Variants in GLIS3 observed in about 807,000 individuals in gnomAD.
The protein encoded by GLIS3 is GLIS family zinc finger 3.
Under a neutral mutation model 78.6 loss-of-function variants are expected in GLIS3, and 53 were observed. That is an observed-to-expected ratio of 0.67 (90% CI 0.54 to 0.85). The LOEUF is 0.85. Among genes scored for constraint, GLIS3 ranks in the 40% least tolerant of loss-of-function variants. The probability of loss-of-function intolerance (pLI) is 0.00; values close to 1 mark genes in which losing one functional copy is unlikely to be tolerated. For synonymous variants in GLIS3, 684 were observed against 509.9 expected, an observed-to-expected ratio of 1.34 and a Z score of -4.60; for missense variants, 1,703 against 1,231.1, an observed-to-expected ratio of 1.38 and a Z score of -5.74.
At chr9:3,897,804 C>T (rs527863471) in intron 7 of GLIS3, among the ~76,000 whole-genome samples, 140 of 152,296 alleles carry the variant, frequency 9.2e-4, no homozygotes, top group Middle Eastern at 3.4e-3. Flanking sequence ...ATTTTAAATT[C>T]TAATGGCTTA....
Position 4,286,328 on chromosome 9 carries a change from G to T in GLIS3, c.98C>A (p.Ala33Asp), listed in dbSNP as rs751567499. Residue 33 changes from alanine to aspartate, a missense_variant, in exon 2 of 11, where the codon GCC (alanine) becomes GAC (aspartate). Ala to Asp is a moderately radical substitution (Grantham distance 126). Coordinates refer to ENST00000381971, the MANE Select transcript of GLIS3 (RefSeq NM_001042413.2). Reference protein sequence around the residue: ...VSGHHIPAIRAHSGTPGPSPC... With the variant: ...VSGHHIPAIRDHSGTPGPSPC... ...CGAGGGGCCAGGAGTCCCGGAGTGG[G>T]CTCGGATGGCAGGAATGTGATGACC... is the stretch of plus-strand genomic sequence containing the variant. 1 of 1,614,206 alleles carries T rather than the reference G, an allele frequency of 6.2e-7. No individual in the cohort carries two copies. Among genetic ancestry groups the T allele is most frequent in the Non-Finnish European group, 8.5e-7 (1 of 1,180,024 alleles).
chr9:4,308,106 C>T (rs972602027), intron 4 of GLIS3, among the ~76,000 whole-genome samples: 1 of 152,120 alleles, frequency 6.6e-6, no homozygotes, highest in Non-Finnish European at 1.5e-5. Flanking sequence ...GGCCTGGCCA[C>T]GTGCATCCCA....
Position 4,110,776 on chromosome 9 carries a change from T to C in GLIS3, c.1710+6992A>G, listed in dbSNP as rs370481661. On this transcript the variant is annotated intron_variant, in intron 4 of 10. Transcript: ENST00000381971. ...AGAAGCCCTGACTCAGCAATTACAG[T>C]AGAAACTAATAAATCTACCTGGAAA... Among the ~76,000 whole-genome samples the C allele has an allele frequency of 2.6e-4, 39 of 152,202 alleles. 2 individuals are homozygous for C. Among genetic ancestry groups the C allele is most frequent in the East Asian group, 1.7e-3 (9 of 5,184 alleles).
intron 4 of GLIS3, among the ~76,000 whole-genome samples, chr9:4,104,117 C>G (rs1284834438): frequency 6.6e-6 from 1 of 152,036 alleles, no homozygotes; most frequent in African/African-American, 2.4e-5. Flanking sequence ...TAGATGTTAC[C>G]TAGAAATAGG....
chr9:4,136,131 C>G (rs1485462465), intron 2 of GLIS3, among the ~76,000 whole-genome samples: 3 of 152,152 alleles, frequency 2.0e-5, no homozygotes, highest in African/African-American at 4.8e-5. Flanking sequence ...TGTGCAAAAC[C>G]TATGGAAGGT....
intron 4 of GLIS3, among the ~76,000 whole-genome samples, chr9:3,996,191 T>C (rs576970556): frequency 6.6e-6 from 1 of 152,080 alleles, no homozygotes; most frequent in East Asian, 1.9e-4. Context: ...AAGAATGAAA[T>C]AAAAATGCTT....
chr9:4,418,250 T>C, the GLIS3 span, among the ~76,000 whole-genome samples: 1 of 130,208 alleles, frequency 7.7e-6, no homozygotes, highest in African/African-American at 3.0e-5. Flanking sequence ...CAATTTTTAA[T>C]TCCACAAATA....
intron 4 of GLIS3, among the ~76,000 whole-genome samples, chr9:4,066,590 T>G (rs1827118537): frequency 6.6e-6 from 1 of 152,206 alleles, no homozygotes; most frequent in Non-Finnish European, 1.5e-5. Flanking sequence ...ATCTGAGCCT[T>G]ACAGAACCCA....
At chr9:4,354,492 T>TA in the GLIS3 span, among the ~76,000 whole-genome samples, 2 of 152,184 alleles carry the variant, frequency 1.3e-5, no homozygotes, top group African/African-American at 2.4e-5. Flanking sequence ...TCACTTTCTA[T>TA]AGACTATATT....
At chr9:3,877,647 T>G in intron 8 of GLIS3, among the ~76,000 whole-genome samples, 1 of 152,242 alleles carries the variant, frequency 6.6e-6, no homozygotes, top group Admixed American at 6.5e-5. Context: ...GGGGTAAAAC[T>G]TATAAATGAA....
chr9:4,298,125 G>C (rs573081316), intron 1 of GLIS3, among the ~76,000 whole-genome samples: 1 of 152,116 alleles, frequency 6.6e-6, no homozygotes, highest in Non-Finnish European at 1.5e-5. Context: ...TGAGTGAGTC[G>C]GGGGCCGAAA....
intron 4 of GLIS3, among the ~76,000 whole-genome samples, chr9:4,066,860 T>A (rs1338525354): frequency 3.3e-5 from 5 of 152,134 alleles, no homozygotes; most frequent in African/African-American, 1.2e-4. Context: ...GCACTTACGG[T>A]GCAACAAGTT....
At chr9:4,403,941 T>C in the GLIS3 span, among the ~76,000 whole-genome samples, 4 of 152,010 alleles carry the variant, frequency 2.6e-5, no homozygotes, top group Admixed American at 2.6e-4. Flanking sequence ...ACTGAATGGA[T>C]GAGAAAATAA....
chr9:4,346,519 G>A (rs1817899571), intron 2 of GLIS3, among the ~76,000 whole-genome samples: 1 of 152,138 alleles, frequency 6.6e-6, no homozygotes, highest in Non-Finnish European at 1.5e-5. Flanking sequence ...TCATAAGTGT[G>A]GCCATTACTT....
intron 2 of GLIS3, among the ~76,000 whole-genome samples, chr9:4,143,074 T>C (rs2130995939): frequency 6.6e-6 from 1 of 152,216 alleles, no homozygotes; most frequent in South Asian, 2.1e-4. Flanking sequence ...ATATGTGTCT[T>C]TTTTCAGCTT....
chr9:3,871,047 G>C (rs1820937359), intron 8 of GLIS3, among the ~76,000 whole-genome samples: 1 of 152,196 alleles, frequency 6.6e-6, no homozygotes, highest in South Asian at 2.1e-4. Context: ...GGGAGGAATT[G>C]GCCAAAACAG....
At chr9:4,020,707 C>T (rs1822816629) in intron 4 of GLIS3, among the ~76,000 whole-genome samples, 1 of 152,136 alleles carries the variant, frequency 6.6e-6, no homozygotes, top group Non-Finnish European at 1.5e-5. Flanking sequence ...AGACTTCTCC[C>T]AATTATTTAC....
chr9:4,469,341 G>C, the GLIS3 span, among the ~76,000 whole-genome samples: 110,046 of 151,918 alleles, frequency 0.72, 40,235 homozygotes, highest in Middle Eastern at 0.84. Context: ...ACATTCTTTT[G>C]AGCACCACAC....
chr9:3,957,667 G>A (rs1170432859), intron 4 of GLIS3, among the ~76,000 whole-genome samples: 10 of 152,158 alleles, frequency 6.6e-5, no homozygotes, highest in African/African-American at 2.4e-5. Context: ...CATGACTCTG[G>A]AAAACAGACA....
Sources: gnomAD v4.1 joint callset for allele counts (sites outside exome capture counted in the v4.1 genomes callset) on GRCh38, gnomAD v4.1.1 for gene constraint, MANE v1.5 for transcripts, NCBI Gene and HGNC (gene_info 2026-07-23, HGNC 2026-07-21) for gene names.